Variants in FRMD6 observed in about 807,000 individuals in gnomAD.
FRMD6 encodes the protein FERM domain-containing protein 6.
A neutral mutation model predicts 73.2 loss-of-function variants in FRMD6; 37 were observed. The observed-to-expected ratio is 0.51, with a 90% CI of 0.39 to 0.66. FRMD6 has a LOEUF of 0.66. FRMD6 is among the 30% of genes least tolerant of loss of function. The probability of loss-of-function intolerance (pLI) is 0.00; values close to 1 mark genes in which losing one functional copy is unlikely to be tolerated. For synonymous variants in FRMD6, 273 were observed against 282.2 expected (o/e 0.97, Z 0.33); for missense variants, 714 against 780.5 (o/e 0.91, Z 1.02).
chr14:51,694,479 T>A (rs761757026), intron 2 of FRMD6, among the ~76,000 whole-genome samples: 5 of 152,108 alleles, frequency 3.3e-5, no homozygotes, highest in Non-Finnish European at 7.4e-5. Flanking sequence ...CATTTGAGGT[T>A]AGGAGATTGA....
chr14:51,527,611 C>T (rs1306384615), intron 1 of FRMD6, among the ~76,000 whole-genome samples: 1 of 152,204 alleles, frequency 6.6e-6, no homozygotes. Flanking sequence ...TAACAGGTTT[C>T]ATGAATTATG....
the FRMD6 span, among the ~76,000 whole-genome samples, chr14:51,430,470 G>A: frequency 3.3e-5 from 5 of 152,072 alleles, no homozygotes; most frequent in African/African-American, 1.2e-4. Context: ...GAAAGTAGTA[G>A]CTCCACGCAA....
In FRMD6 at chr14:51,721,936, T is replaced by C. The variant is rs1244877878; in HGVS notation, c.1361-13T>C. The C allele has an allele frequency of 3.1e-6, 5 of 1,613,738 alleles. No individual in the cohort carries two copies. The highest frequency in any genetic ancestry group is 4.2e-6 in the Non-Finnish European group (5 of 1,179,812). On this transcript the variant is annotated splice_polypyrimidine_tract_variant and intron_variant, in intron 11 of 13. Transcript: ENST00000344768. ...TTTTTGTCATTAACTATCTTTTCCT[T>C]CTTCTGTGTCAGAAATAGAGATGTT...
At chr14:51,706,875 G>A (rs1483623917) in intron 6 of FRMD6, among the ~76,000 whole-genome samples, 4 of 152,036 alleles carry the variant, frequency 2.6e-5, no homozygotes, top group Non-Finnish European at 5.9e-5. Context: ...TTTTTGTTGT[G>A]TGACTTAGAG....
chr14:51,554,344 C>T (rs1887004830), intron 1 of FRMD6, among the ~76,000 whole-genome samples: 2 of 152,138 alleles, frequency 1.3e-5, no homozygotes, highest in South Asian at 4.1e-4. Flanking sequence ...TGGAGATACT[C>T]TGGCCTCAAG....
At chr14:51,561,671 A>G (rs182173896) in intron 1 of FRMD6, among the ~76,000 whole-genome samples, 39 of 152,310 alleles carry the variant, frequency 2.6e-4, no homozygotes, top group Admixed American at 9.8e-4. Flanking sequence ...GCTCAGAAAA[A>G]TAGTCTTGAG....
At chr14:51,410,759 G>A in the FRMD6 span, among the ~76,000 whole-genome samples, 1 of 151,998 alleles carries the variant, frequency 6.6e-6, no homozygotes, top group Non-Finnish European at 1.5e-5. Flanking sequence ...ACTTTTTTAT[G>A]TTCCAAAAAA....
chr14:51,423,354 C>G, the FRMD6 span, among the ~76,000 whole-genome samples: 6 of 152,202 alleles, frequency 3.9e-5, no homozygotes, highest in Non-Finnish European at 5.9e-5. Context: ...CGCACTGCAG[C>G]CTTCCAGGCC....
chr14:51,531,929 G>A (rs1442212539), intron 1 of FRMD6, among the ~76,000 whole-genome samples: 1 of 152,166 alleles, frequency 6.6e-6, no homozygotes, highest in Non-Finnish European at 1.5e-5. Context: ...ATTAGCATTT[G>A]TATATGTGCT....
At chr14:51,673,715 G>A (rs191482448) in intron 1 of FRMD6, among the ~76,000 whole-genome samples, 1 of 152,088 alleles carries the variant, frequency 6.6e-6, no homozygotes, top group Non-Finnish European at 1.5e-5. Context: ...TGAAAAATGT[G>A]GAGGGGAAAA....
chr14:51,607,657 G>A (rs1890317826), intron 2 of FRMD6, among the ~76,000 whole-genome samples: 1 of 152,200 alleles, frequency 6.6e-6, no homozygotes, highest in Non-Finnish European at 1.5e-5. Flanking sequence ...TGCACGCTTT[G>A]TTGGGCTTTT....
intron 1 of FRMD6, among the ~76,000 whole-genome samples, chr14:51,496,579 A>G (rs768529891): frequency 1.3e-5 from 2 of 152,232 alleles, no homozygotes; most frequent in Non-Finnish European, 2.9e-5. Context: ...AAAGCTGCGA[A>G]GCCTCTTCAG....
the FRMD6 span, chr14:51,436,912 A>G: frequency 1.0e-6 from 1 of 1,000,552 alleles, no homozygotes; most frequent in Non-Finnish European, 1.5e-6. Flanking sequence ...GTGAAGAAGA[A>G]GAAGATGATG....
At chr14:51,505,195 A>C (rs1024569427) in intron 1 of FRMD6, among the ~76,000 whole-genome samples, 1 of 152,250 alleles carries the variant, frequency 6.6e-6, no homozygotes, top group East Asian at 1.9e-4. Flanking sequence ...TTTTCACACT[A>C]TTTAGGAATA....
Position 51,619,939 on chromosome 14 carries a change from G to A in FRMD6, c.-147+49529G>A, listed in dbSNP as rs561880907. Among the ~76,000 whole-genome samples, 7 of 152,304 alleles carry A rather than the reference G, an allele frequency of 4.6e-5. 1 individual carries two copies. In the South Asian group the frequency reaches 1.5e-3, roughly 32 times the overall value. On this transcript the variant is annotated intron_variant, in intron 2 of 14. Transcript: ENST00000356218. ...TCAAGGTGTCGCAGAAGGCAACGGG[G>A]TAATTCCCCTGTAGTCTACAGAGCC...
At chr14:51,656,446 C>G (rs1318634748) in intron 1 of FRMD6, among the ~76,000 whole-genome samples, 1 of 151,062 alleles carries the variant, frequency 6.6e-6, no homozygotes, top group Admixed American at 6.6e-5. Context: ...CGGAGTCTCG[C>G]CCTGTCGCCC....
chr14:51,540,391 A>G (rs1886141073), intron 1 of FRMD6, among the ~76,000 whole-genome samples: 1 of 152,162 alleles, frequency 6.6e-6, no homozygotes, highest in African/African-American at 2.4e-5. Flanking sequence ...TGCATCTGAA[A>G]TGGGGTTTTG....
intron 2 of FRMD6, among the ~76,000 whole-genome samples, chr14:51,578,813 C>G (rs1888546677): frequency 6.6e-6 from 1 of 152,172 alleles, no homozygotes; most frequent in African/African-American, 2.4e-5. Context: ...AGGTACATAT[C>G]ATGTTCTGCA....
At chr14:51,491,381 T>C (rs1259190250) in intron 1 of FRMD6, 2 of 152,236 alleles carry the variant, frequency 1.3e-5, no homozygotes, top group Non-Finnish European at 2.9e-5. Context: ...CTCTGGAAAA[T>C]GTCTGAGTTT....
Sources: allele counts gnomAD v4.1 joint callset (sites outside exome capture counted in the v4.1 genomes callset), GRCh38; gene constraint gnomAD v4.1.1; transcripts MANE v1.5; gene names NCBI Gene and HGNC (gene_info 2026-07-23, HGNC 2026-07-21).